Variants in CIT observed in about 807,000 individuals in gnomAD.
CIT encodes the protein citron Rho-interacting kinase.
CIT carries 79 observed loss-of-function variants against 272.7 expected under a neutral mutation model. That is an observed-to-expected ratio of 0.29 (90% CI 0.24 to 0.35). CIT has a LOEUF of 0.35. Ranked by LOEUF, CIT falls within the 10% of genes least tolerant of loss-of-function variation. CIT has a pLI of 1.00. For synonymous variants in CIT, 948 were observed against 995.6 expected (o/e 0.95, Z 0.90); for missense variants, 1,909 against 2,618.3 (o/e 0.73, Z 5.91).
chr12:119,709,795 TGTGTG>T (rs1957069036), intron 39 of CIT, among the ~76,000 whole-genome samples: 1 of 54,788 alleles, frequency 1.8e-5, no homozygotes, highest in Non-Finnish European at 4.4e-5. Context: ...AGAGTGTGTG[TGTGTG>T]TGTGTGTGTG....
At chr12:119,743,876 A>C (rs774889858) in intron 23 of CIT, among the ~76,000 whole-genome samples, 1 of 152,212 alleles carries the variant, frequency 6.6e-6, no homozygotes, top group Non-Finnish European at 1.5e-5. Flanking sequence ...GAAGAAAAAA[A>C]AGTAGCCCAA....
chr12:119,785,127 A>G (rs2137717595), intron 10 of CIT, 62 bp from the exon 11 acceptor site: 3 of 1,532,264 alleles, frequency 2.0e-6, no homozygotes, highest in Non-Finnish European at 1.8e-6. Context: ...CTGCATTAGG[A>G]AGCTGCAACA....
intron 13 of CIT, 107 bp from the exon 14 acceptor site, chr12:119,776,949 G>C: frequency 8.0e-7 from 1 of 1,242,934 alleles, no homozygotes; most frequent in Non-Finnish European, 1.1e-6. Context: ...GCACAGTGAA[G>C]AGAGACTGGC....
chr12:119,735,277 G>C lies in CIT; in HGVS notation c.3039C>G (p.Ser1013=), dbSNP rs139602765. The C allele has an allele frequency of 4.4e-4, 712 of 1,614,158 alleles. 4 individuals carry two copies. The highest frequency in any genetic ancestry group is 1.7e-3 in the South Asian group (159 of 91,090). Residue 1013 remains serine, a synonymous_variant, in exon 25 of 48, where the codon TCC becomes TCG. Transcript: ENST00000392521. Reference sequence around the variant, plus strand: ...CGCCAGAAGCCTCATCGAGTTGTTTGGACAAGTAGAAGTTTTGGTTGTTGA... The same window carrying C: ...CGCCAGAAGCCTCATCGAGTTGTTTCGACAAGTAGAAGTTTTGGTTGTTGA... ...AELNNQNFYL[S]KQLDEASGAN...
chr12:119,760,452 T>A (rs1231303213), intron 20 of CIT, among the ~76,000 whole-genome samples: 1 of 151,826 alleles, frequency 6.6e-6, no homozygotes, highest in African/African-American at 2.4e-5. Context: ...CATAGCAAGA[T>A]CTCGTCTCTA....
At position 119,726,385 on chromosome 12, in the gene CIT, A is replaced by ATTTTTTTT. The variant is rs3999547; in HGVS notation, c.3591+2109_3591+2116dup. ...AACTGCACACCACCACACTTGGCTA[A>ATTTTTTTT]TTTTTTTTTTTTTTTTTTTTTTTTT... On this transcript the variant is annotated intron_variant, in intron 28 of 47. Transcript: ENST00000392521. Among the ~76,000 whole-genome samples, 11 of 101,446 alleles carry ATTTTTTTT rather than the reference A, an allele frequency of 1.1e-4. 2 individuals carry two copies. Among genetic ancestry groups the ATTTTTTTT allele is most frequent in the Non-Finnish European group, 5.7e-5 (3 of 52,984 alleles). 66.6% of individuals were successfully genotyped at this position (101,446 alleles called of 152,430 possible).
Position 119,710,831 on chromosome 12 carries a change from A to T in CIT, c.4855-211T>A. Reference sequence around the variant, plus strand: ...TATTGGTATCTCTGGGGCAGCTGTTAATTAGCATCTGAGTTATAATTTGGC... The same window carrying T: ...TATTGGTATCTCTGGGGCAGCTGTTTATTAGCATCTGAGTTATAATTTGGC... On this transcript the variant is annotated intron_variant, in intron 37 of 47. Transcript: ENST00000392521. This position sits in a 1 kb window ranked among gnomAD's most constrained non-coding sequence, Gnocchi z 5.6. 1.6e-6 allele frequency: 1 copy of T among 644,504 alleles called. No individual in the cohort carries two copies. Among genetic ancestry groups the T allele is most frequent in the Non-Finnish European group, 2.6e-6 (1 of 377,684 alleles). 39.9% of individuals were successfully genotyped at this position (644,504 alleles called of 1,614,324 possible). A position where few individuals can be genotyped will look rare whatever the true frequency, so the allele number is the denominator to read the frequency against.
intron 10 of CIT, among the ~76,000 whole-genome samples, chr12:119,789,233 A>G (rs1254118299): frequency 6.6e-6 from 1 of 152,232 alleles, no homozygotes; most frequent in Non-Finnish European, 1.5e-5. Flanking sequence ...CCATGGTGCT[A>G]ATTAGAAGAA....
chr12:119,750,656 T>G (rs933395320), intron 23 of CIT, among the ~76,000 whole-genome samples: 1 of 151,880 alleles, frequency 6.6e-6, no homozygotes, highest in Non-Finnish European at 1.5e-5. Flanking sequence ...CACTGTCAGA[T>G]CACATTCCCA....
At position 119,728,432 on chromosome 12, in the gene CIT, CA is replaced by C. The variant is rs964857721; in HGVS notation, c.3591+69del. On this transcript the variant is annotated intron_variant, in intron 28 of 47. Coordinates refer to ENST00000392521, the MANE Select transcript of CIT (RefSeq NM_001206999.2). The surrounding 1 kb of genome is among the most constrained non-coding windows in gnomAD (Gnocchi z 4.3). ...TTTTGCTGTGAACCTAAAGCTGCTC[CA>C]AAAAAAAGAAGCCTATTAAAAGAAA... 1.7e-4 allele frequency: 160 copies of C among 943,422 alleles called. No homozygotes were observed. Among genetic ancestry groups the C allele is most frequent in the Middle Eastern group, 4.4e-4 (2 of 4,596 alleles). 58.4% of individuals were successfully genotyped at this position (943,422 alleles called of 1,614,324 possible). A position where few individuals can be genotyped will look rare whatever the true frequency, so the allele number is the denominator to read the frequency against.
chr12:119,778,986 C>G (rs937284389), intron 13 of CIT, among the ~76,000 whole-genome samples: 1 of 152,060 alleles, frequency 6.6e-6, no homozygotes. Context: ...TTTGGGAGCC[C>G]GAGGTGGCGG....
chr12:119,712,400 TG>T lies in CIT; in HGVS notation c.4685-54del, dbSNP rs147851307. On this transcript the variant is annotated intron_variant, in intron 36 of 47. Transcript: ENST00000392521. The surrounding 1 kb of genome is among the most constrained non-coding windows in gnomAD (Gnocchi z 5.2). ...GGGTGTGGATTTCCCCCGTTCCCAC[TG>T]GGAGGGACGGGCCTGAGAGATCAAA... is the stretch of plus-strand genomic sequence containing the variant. 6.5e-7 allele frequency: 1 copy of T among 1,535,074 alleles called. No individual in the cohort carries two copies. Among genetic ancestry groups the T allele is most frequent in the South Asian group, 1.2e-5 (1 of 82,614 alleles).
In CIT at chr12:119,874,269, A is replaced by G. The variant is rs189589301; in HGVS notation, c.96+1804T>C. 2.0e-4 allele frequency among the ~76,000 whole-genome samples: 30 copies of G among 152,218 alleles called. 1 individual carries two copies. Among genetic ancestry groups the G allele is most frequent in the African/African-American group, 6.7e-4 (28 of 41,524 alleles). ...ATATTTTTAGTAGAGACAGGGTTTC[A>G]CCACGTTGTCCAGGCTGGTCTCGAA... On this transcript the variant is annotated intron_variant, in intron 2 of 47. Coordinates refer to ENST00000392521, the MANE Select transcript of CIT (RefSeq NM_001206999.2).
chr12:119,867,155 G>C (rs1594006550), intron 3 of CIT, among the ~76,000 whole-genome samples: 1 of 151,908 alleles, frequency 6.6e-6, no homozygotes, highest in African/African-American at 2.4e-5. Context: ...CCCCAGCTGA[G>C]TCCAATTAAC....
intron 24 of CIT, among the ~76,000 whole-genome samples, chr12:119,740,471 TCA>T (rs1239232966): frequency 3.2e-4 from 49 of 152,302 alleles, no homozygotes; most frequent in African/African-American, 1.0e-3. Flanking sequence ...TTTTGCTGTT[TCA>T]CAGTTACACA....
intron 16 of CIT, among the ~76,000 whole-genome samples, chr12:119,774,860 G>A (rs1305349672): frequency 6.6e-6 from 1 of 152,140 alleles, no homozygotes; most frequent in African/African-American, 2.4e-5. Context: ...TGTAGTCCCA[G>A]CTACCCAGGA....
Position 119,778,932 on chromosome 12 carries a change from C to A in CIT, c.1666-2090G>T, listed in dbSNP as rs186639755. On this transcript the variant is annotated intron_variant, in intron 13 of 47. Transcript: ENST00000392521. The stretch of plus-strand genomic sequence containing the variant: ...ACCTGCTCACAATTATCTAAACTCA[C>A]AGGGCAGGCCGGGCATGGTGGTTCA... 3.4e-4 allele frequency among the ~76,000 whole-genome samples: 52 copies of A among 152,250 alleles called. 1 individual carries two copies. Among genetic ancestry groups the A allele is most frequent in the Admixed American group, 3.0e-3 (46 of 15,292 alleles).
intron 3 of CIT, among the ~76,000 whole-genome samples, chr12:119,865,973 AT>A (rs112437124): frequency 0.044 from 6,670 of 151,634 alleles, 270 homozygotes; most frequent in African/African-American, 0.11. Flanking sequence ...ACATATGCTG[AT>A]TTTTTTTCTA....
chr12:119,812,098 A>AC, intron 9 of CIT, among the ~76,000 whole-genome samples: 1 of 152,020 alleles, frequency 6.6e-6, no homozygotes, highest in Non-Finnish European at 1.5e-5. Flanking sequence ...AGCACCTGCC[A>AC]CCATGCCTGG....
Sources: allele counts gnomAD v4.1 joint callset (sites outside exome capture counted in the v4.1 genomes callset), GRCh38; gene constraint gnomAD v4.1.1; non-coding constraint Gnocchi (gnomAD v3.1); transcripts MANE v1.5; gene names NCBI Gene and HGNC (gene_info 2026-07-23, HGNC 2026-07-21).